The following TMC1 variants were observed in gnomAD, a reference collection of about 807,000 sequenced individuals.
The protein encoded by TMC1 is transmembrane channel-like protein 1.
TMC1 carries 84 observed loss-of-function variants against 105.8 expected under a neutral mutation model. The observed-to-expected ratio is 0.79, with a 90% confidence interval of 0.67 to 0.95. The LOEUF (loss-of-function observed/expected upper bound fraction) is 0.95, where lower values mean the gene tolerates loss of function less well. Among genes scored for constraint, TMC1 ranks in the 40% least tolerant of loss-of-function variants. The probability of loss-of-function intolerance (pLI) is 0.00; values close to 1 mark genes in which losing one functional copy is unlikely to be tolerated. For synonymous variants in TMC1, 315 were observed against 311.5 expected (o/e 1.01, Z -0.12); for missense variants, 817 against 914.1 (o/e 0.89, Z 1.37).
rs1193896593 is a variant in TMC1, at chr9:72,792,262, A to G, written c.1476A>G (p.Ala492=). The change falls in exon 17 of 24, where the codon GCA becomes GCG. Residue 492 remains alanine (A), a synonymous_variant. Transcript: ENST00000297784. ...WEANMIKAYN[A]SFSENSTGPP... ...CCAATATGATCAAGGCCTACAATGC[A>G]TCATTCTCTGAAAATAGCACTGGAC... 5 of 1,614,056 alleles carry G rather than the reference A, an allele frequency of 3.1e-6. No homozygotes were observed. Among genetic ancestry groups the G allele is most frequent in the Non-Finnish European group, 4.2e-6 (5 of 1,180,030 alleles).
chr9:72,758,682 G>A (rs1827708952), intron 12 of TMC1, among the ~76,000 whole-genome samples: 1 of 152,152 alleles, frequency 6.6e-6, no homozygotes, highest in Non-Finnish European at 1.5e-5. Context: ...TAAGGAAAGA[G>A]TACAAGGAAG....
At chr9:72,723,345 C>A (rs1237270114) in intron 8 of TMC1, among the ~76,000 whole-genome samples, 2 of 152,132 alleles carry the variant, frequency 1.3e-5, no homozygotes, top group African/African-American at 4.8e-5. Flanking sequence ...TAAAGTGGAA[C>A]ACTTTTTATT....
rs530763379 is a variant in TMC1 at position 72,639,998 on chromosome 9, G to A, written c.-52-8599G>A. Among the ~76,000 whole-genome samples, 440 of 152,018 alleles carry A rather than the reference G, an allele frequency of 2.9e-3. 2 individuals are homozygous for A. The highest frequency in any genetic ancestry group is 3.0e-3 in the Non-Finnish European group (202 of 68,010). On this transcript the variant is annotated intron_variant, in intron 4 of 23. Coordinates refer to ENST00000297784, the MANE Select transcript of TMC1 (RefSeq NM_138691.3). ...ATAGCCTAATTCAAAAGCATCATGC[G>A]ACCAATATGTAGTATTAATAAAACA...
At chr9:72,634,860 C>T (rs902355677) in intron 4 of TMC1, among the ~76,000 whole-genome samples, 3 of 152,178 alleles carry the variant, frequency 2.0e-5, no homozygotes, top group Non-Finnish European at 4.4e-5. Flanking sequence ...GGAAGAGAGG[C>T]ATAGGGCAAG....
intron 5 of TMC1, chr9:72,655,812 A>T: frequency 1.6e-6 from 1 of 644,792 alleles, no homozygotes; most frequent in Middle Eastern, 4.4e-4. Flanking sequence ...ACTGGTAATT[A>T]ATTTATTAAA....
In TMC1 at chr9:72,792,032, T is replaced by C; in HGVS notation, c.1371T>C (p.Phe457=). The C allele has an allele frequency of 3.7e-6, 6 of 1,614,172 alleles. No individual in the cohort carries two copies. The highest frequency in any genetic ancestry group is 1.3e-5 in the African/African-American group (1 of 75,062). The change falls in exon 16 of 24, where the codon TTT becomes TTC. Residue 457 remains phenylalanine (F), a synonymous_variant. Coordinates refer to ENST00000297784, the MANE Select transcript of TMC1 (RefSeq NM_138691.3). ...TTCTTTTAGGCAATTTATACGTATT[T>C]ATTCTTGCATTAATGGATGAGATTA... The part of the protein sequence containing the change: ...FALLLGNLYV[F]ILALMDEINN...
intron 1 of TMC1, among the ~76,000 whole-genome samples, chr9:72,522,744 A>G (rs1415415551): frequency 6.6e-6 from 1 of 152,174 alleles, no homozygotes; most frequent in East Asian, 1.9e-4. Flanking sequence ...TAATATTAAA[A>G]CTGTTTGGAT....
At chr9:72,663,545 A>G (rs74602459) in intron 5 of TMC1, among the ~76,000 whole-genome samples, 15,029 of 152,200 alleles carry the variant, frequency 0.099, 886 homozygotes, top group African/African-American at 0.15. Context: ...ACCTGTCCCC[A>G]GGAATGGACA....
chr9:72,669,991 C>T (rs921590514), intron 5 of TMC1, among the ~76,000 whole-genome samples: 3 of 152,010 alleles, frequency 2.0e-5, no homozygotes, highest in Admixed American at 6.6e-5. Context: ...AGAAGGGTTG[C>T]GAATGGAAAC....
intron 13 of TMC1, among the ~76,000 whole-genome samples, chr9:72,774,250 A>G (rs1827974421): frequency 6.6e-6 from 1 of 152,216 alleles, no homozygotes; most frequent in Non-Finnish European, 1.5e-5. Context: ...TGTGCCAGGC[A>G]AGCCACATAT....
intron 3 of TMC1, among the ~76,000 whole-genome samples, chr9:72,621,982 T>TCCTGCGGACAAATTG (rs1825258893): frequency 1.3e-5 from 2 of 152,172 alleles, no homozygotes; most frequent in African/African-American, 4.8e-5. Flanking sequence ...AGATATCAGT[T>TCCTGCGGACAAATTG]TATGTCTCTG....
intron 23 of TMC1, among the ~76,000 whole-genome samples, chr9:72,832,324 T>C (rs1043848448): frequency 2.6e-5 from 4 of 152,190 alleles, no homozygotes; most frequent in African/African-American, 9.6e-5. Context: ...TCTCTGAAGC[T>C]AAACTCCTTT....
chr9:72,652,193 C>A (rs1049068331), intron 5 of TMC1, among the ~76,000 whole-genome samples: 14 of 151,972 alleles, frequency 9.2e-5, no homozygotes, highest in African/African-American at 3.4e-4. Flanking sequence ...ACTTGTTGGC[C>A]ATTTGTATAT....
intron 4 of TMC1, chr9:72,628,339 T>C: frequency 4.6e-6 from 1 of 217,938 alleles, no homozygotes; most frequent in Non-Finnish European, 9.5e-6. Flanking sequence ...TGTGTCATCC[T>C]CAACTGTATA....
At chr9:72,597,301 C>G (rs1461861858) in intron 2 of TMC1, among the ~76,000 whole-genome samples, 3 of 152,166 alleles carry the variant, frequency 2.0e-5, no homozygotes, top group Non-Finnish European at 4.4e-5. Context: ...CCTTGCCAAG[C>G]AGGTCAGCGG....
chr9:72,750,242 C>A (rs1436035245), intron 10 of TMC1, among the ~76,000 whole-genome samples: 1 of 152,172 alleles, frequency 6.6e-6, no homozygotes, highest in Non-Finnish European at 1.5e-5. Context: ...ATAATGCTTC[C>A]CCACTGATAA....
chr9:72,735,730 T>C (rs944005580), intron 8 of TMC1, among the ~76,000 whole-genome samples: 1 of 152,214 alleles, frequency 6.6e-6, no homozygotes. Flanking sequence ...GAGTCTCTGA[T>C]ACCTTGCAGC....
chr9:72,529,602 C>G (rs17556208), intron 1 of TMC1, among the ~76,000 whole-genome samples: 8,444 of 151,492 alleles, frequency 0.056, 293 homozygotes, highest in Middle Eastern at 0.07. Flanking sequence ...ACAAAAAAAT[C>G]TGGCTTCATA....
chr9:72,586,062 C>T (rs563397964), intron 2 of TMC1, among the ~76,000 whole-genome samples: 4 of 152,326 alleles, frequency 2.6e-5, no homozygotes, highest in African/African-American at 9.6e-5. Flanking sequence ...ACAATTTACA[C>T]AAGGGCTGAT....
Sources: allele counts gnomAD v4.1 joint callset (sites outside exome capture counted in the v4.1 genomes callset), GRCh38; gene constraint gnomAD v4.1.1; transcripts MANE v1.5; gene names NCBI Gene and HGNC (gene_info 2026-07-23, HGNC 2026-07-21).